Variants in GNE observed in about 807,000 individuals in gnomAD.
GNE encodes bifunctional UDP-N-acetylglucosamine 2-epimerase/N-acetylmannosamine kinase.
Under a neutral mutation model 61.8 loss-of-function variants are expected in GNE, and 41 were observed. The ratio of observed to expected loss-of-function variants is 0.66; its 90% CI spans 0.52 to 0.86. GNE has a LOEUF of 0.86. Ranked by LOEUF, GNE falls within the 40% of genes least tolerant of loss-of-function variation. The pLI is 0.00. For synonymous variants in GNE, 264 were observed against 326.4 expected (o/e 0.81, Z 2.06); for missense variants, 608 against 909.1 (o/e 0.67, Z 4.26).
chr9:36,219,706 A>G, intron 10 of GNE, 132 bp downstream of exon 10: 1 of 798,114 alleles, frequency 1.3e-6, no homozygotes, highest in Admixed American at 2.0e-5. Flanking sequence ...AGTGCGAGGG[A>G]GCCCTGCTCT....
chr9:36,228,978 G>A (rs761468116), intron 6 of GNE, 43 bp downstream of exon 6: 13 of 1,045,746 alleles, frequency 1.2e-5, no homozygotes, highest in Non-Finnish European at 1.4e-5. Context: ...ACTGAAGGTA[G>A]CTCCCCTTTT....
upstream of GNE, among the ~76,000 whole-genome samples, chr9:36,260,874 A>G (rs1772933613): frequency 9.3e-5 from 1 of 10,718 alleles, no homozygotes; most frequent in Non-Finnish European, 3.3e-4. Flanking sequence ...ATCTCAAAAA[A>G]AAAAAAAAAA....
At chr9:36,256,877 G>T (rs1476038806) in intron 1 of GNE, among the ~76,000 whole-genome samples, 2 of 152,178 alleles carry the variant, frequency 1.3e-5, no homozygotes, top group East Asian at 3.9e-4. Context: ...AGGAAGCACA[G>T]AGAAAATAAT....
intron 6 of GNE, among the ~76,000 whole-genome samples, chr9:36,228,267 T>C (rs1322212131): frequency 6.6e-6 from 1 of 151,808 alleles, no homozygotes; most frequent in East Asian, 1.9e-4. Flanking sequence ...ATTTTTTTGC[T>C]TTTTTTAGTT....
intron 5 of GNE, among the ~76,000 whole-genome samples, chr9:36,231,801 A>G (rs75698156): frequency 0.016 from 2,505 of 152,244 alleles, 67 homozygotes; most frequent in African/African-American, 0.057. Flanking sequence ...CTCTATACCA[A>G]TGACTCTCAA....
chr9:36,242,247 C>G (rs1829661878), intron 3 of GNE, among the ~76,000 whole-genome samples: 1 of 151,768 alleles, frequency 6.6e-6, no homozygotes, highest in Non-Finnish European at 1.5e-5. Flanking sequence ...GATGGCTCTG[C>G]CTCATTGTCT....
intron 1 of GNE, among the ~76,000 whole-genome samples, chr9:36,251,108 A>G (rs1369799293): frequency 6.6e-6 from 1 of 152,170 alleles, no homozygotes; most frequent in African/African-American, 2.4e-5. Context: ...CCGTATATCT[A>G]TACCTTTATA....
chr9:36,256,111 G>A (rs1830321732), intron 1 of GNE, among the ~76,000 whole-genome samples: 1 of 152,052 alleles, frequency 6.6e-6, no homozygotes, highest in Non-Finnish European at 1.5e-5. Context: ...ATTTTTAGTA[G>A]AGGTGGGGTT....
At chr9:36,223,952 A>ATT in intron 7 of GNE, among the ~76,000 whole-genome samples, 1 of 151,790 alleles carries the variant, frequency 6.6e-6, no homozygotes, top group East Asian at 2.0e-4. Flanking sequence ...GGGTTTCACC[A>ATT]TGCTGCCCAG....
intron 3 of GNE, among the ~76,000 whole-genome samples, chr9:36,242,343 G>A (rs1367977735): frequency 2.0e-5 from 3 of 150,508 alleles, no homozygotes; most frequent in Non-Finnish European, 4.4e-5. Context: ...ATAAAGAACT[G>A]CTTAAATTGT....
chr9:36,265,173 C>T (rs904975797), intron 1 of GNE: 3 of 308,426 alleles, frequency 9.7e-6, no homozygotes. Flanking sequence ...TGCCTGGGTT[C>T]GTCCTAATTG....
chr9:36,271,003 A>G (rs1232666055), intron 1 of GNE, among the ~76,000 whole-genome samples: 1 of 152,170 alleles, frequency 6.6e-6, no homozygotes, highest in Non-Finnish European at 1.5e-5. Flanking sequence ...GCCTGATTAA[A>G]TCTTCTTAAA....
exon 1 of GNE, chr9:36,276,932 C>T (rs1433742407): frequency 1.4e-5 from 22 of 1,613,048 alleles, no homozygotes; most frequent in East Asian, 2.2e-5. Flanking sequence ...TGCAGATAAC[C>T]ATAGGTTTCC....
chr9:36,247,444 A>C (rs1378956986), intron 2 of GNE, among the ~76,000 whole-genome samples: 2 of 152,024 alleles, frequency 1.3e-5, no homozygotes, highest in Non-Finnish European at 1.5e-5. Flanking sequence ...AGAAGCAACC[A>C]ATTTCTTGTG....
At chr9:36,223,568 G>A (rs1828707909) in intron 7 of GNE, 66 bp from the exon 8 acceptor site, 1 of 1,522,138 alleles carries the variant, frequency 6.6e-7, no homozygotes, top group Non-Finnish European at 9.1e-7. Context: ...TGAGTGTTGT[G>A]ATCTTTTTCA....
chr9:36,223,320 A>C, intron 8 of GNE, 53 bp downstream of exon 8: 1 of 1,521,298 alleles, frequency 6.6e-7, no homozygotes, highest in Non-Finnish European at 9.1e-7. Context: ...ACAAGTTAGT[A>C]AATTTTGTAC....
intron 1 of GNE, among the ~76,000 whole-genome samples, chr9:36,250,260 T>G (rs1830062880): frequency 6.6e-6 from 1 of 152,138 alleles, no homozygotes; most frequent in African/African-American, 2.4e-5. Context: ...GTATTGTGAT[T>G]AATGCTGGGC....
intron 3 of GNE, among the ~76,000 whole-genome samples, chr9:36,245,042 C>G (rs1829811314): frequency 6.6e-6 from 1 of 151,868 alleles, no homozygotes; most frequent in African/African-American, 2.4e-5. Context: ...CTTTGGGAGG[C>G]TGAGGTGGGC....
chr9:36,258,026 A>G (rs1830460766), intron 1 of GNE, among the ~76,000 whole-genome samples: 1 of 151,814 alleles, frequency 6.6e-6, no homozygotes, highest in Non-Finnish European at 1.5e-5. Flanking sequence ...ATCCCCCCTG[A>G]TTGGACAGCA....
Sources: gnomAD v4.1 joint callset for allele counts (sites outside exome capture counted in the v4.1 genomes callset) on GRCh38, gnomAD v4.1.1 for gene constraint, MANE v1.5 for transcripts, NCBI Gene and HGNC (gene_info 2026-07-23, HGNC 2026-07-21) for gene names.